TMEFF2: variants seen among roughly 807,000 people sequenced by gnomAD.
TMEFF2 encodes transmembrane protein with EGF like and two follistatin like domains 2, also known as tomoregulin-2.
Under a neutral mutation model 53.8 loss-of-function variants are expected in TMEFF2, and 28 were observed. The observed-to-expected ratio is 0.52, with a 90% CI of 0.39 to 0.71. The LOEUF is 0.71. TMEFF2 is among the 30% of genes least tolerant of loss of function. The pLI is 0.00. For missense variants in TMEFF2, 353 were observed against 455.2 expected, an observed-to-expected ratio of 0.78 and a Z score of 2.04; for synonymous variants, 162 against 166.3, an observed-to-expected ratio of 0.97 and a Z score of 0.20.
At chr2:192,053,212 T>C (rs193149991) in intron 5 of TMEFF2, among the ~76,000 whole-genome samples, 5 of 152,280 alleles carry the variant, frequency 3.3e-5, no homozygotes, top group Admixed American at 1.3e-4. Flanking sequence ...ATTTTTTCTC[T>C]TCTTCTTTTA....
chr2:192,144,070 C>T (rs573353838), intron 4 of TMEFF2, among the ~76,000 whole-genome samples: 1 of 152,182 alleles, frequency 6.6e-6, no homozygotes, highest in South Asian at 2.1e-4. Context: ...CTTACAAAAT[C>T]ATAAGTCTTC....
chr2:191,955,642 T>G (rs948709955), intron 8 of TMEFF2, among the ~76,000 whole-genome samples: 1 of 149,628 alleles, frequency 6.7e-6, no homozygotes, highest in African/African-American at 2.5e-5. Context: ...TGAGCCATCA[T>G]GCCTGGCCAG....
intron 4 of TMEFF2, among the ~76,000 whole-genome samples, chr2:192,059,353 C>T (rs779037094): frequency 6.6e-6 from 1 of 151,974 alleles, no homozygotes; most frequent in Non-Finnish European, 1.5e-5. Flanking sequence ...ATTATTCACT[C>T]TATTACTTTA....
At chr2:191,964,396 T>C (rs982599578) in intron 7 of TMEFF2, among the ~76,000 whole-genome samples, 105 of 58,384 alleles carry the variant, frequency 1.8e-3, no homozygotes, top group Non-Finnish European at 2.5e-3. Context: ...CTTTCTTTCT[T>C]TCTCTTTCTT....
chr2:192,134,201 C>T lies in TMEFF2; in HGVS notation c.439+45467G>A, dbSNP rs914132747. Among the ~76,000 whole-genome samples, 7 of 152,314 alleles carry T rather than the reference C, an allele frequency of 4.6e-5. No individual in the cohort carries two copies. In the South Asian group the frequency reaches 1.2e-3, roughly 27 times the overall value. ...GCATATACTTTCTGCTCCCTGGCTC[C>T]TTCAGCTGTACTCACTCTTCGTTAA... On this transcript the variant is annotated intron_variant, in intron 4 of 9. Transcript: ENST00000272771.
At chr2:192,083,200 T>G (rs1452033216) in intron 4 of TMEFF2, among the ~76,000 whole-genome samples, 1 of 150,960 alleles carries the variant, frequency 6.6e-6, no homozygotes, top group Non-Finnish European at 1.5e-5. Flanking sequence ...CAGGGAGGAG[T>G]AGAAGAATGA....
At chr2:192,011,879 A>C (rs1348555257) in intron 5 of TMEFF2, among the ~76,000 whole-genome samples, 1 of 151,888 alleles carries the variant, frequency 6.6e-6, no homozygotes, top group African/African-American at 2.4e-5. Context: ...AATATTTTTT[A>C]TTTTTACATA....
chr2:192,022,806 A>T (rs1686886806), intron 5 of TMEFF2, among the ~76,000 whole-genome samples: 1 of 152,122 alleles, frequency 6.6e-6, no homozygotes, highest in Admixed American at 6.5e-5. Context: ...TTTATCAATA[A>T]TAATAATACT....
intron 5 of TMEFF2, among the ~76,000 whole-genome samples, chr2:192,004,971 T>C (rs1385621446): frequency 1.3e-5 from 2 of 152,222 alleles, no homozygotes; most frequent in Non-Finnish European, 2.9e-5. Context: ...TCAACCTATC[T>C]CAGTCTTTTG....
chr2:192,104,698 A>AT (rs111392692), intron 4 of TMEFF2, among the ~76,000 whole-genome samples: 15,169 of 151,002 alleles, frequency 0.1, 900 homozygotes, highest in East Asian at 0.2. Flanking sequence ...TCATTTCATC[A>AT]TTTTTTTTTC....
chr2:191,949,965 C>CTAGT lies in TMEFF2; in HGVS notation c.*342_*345dup. ...AATATTGGTAGCTGTACAGATTGTA[C>CTAGT]TAGTCTGATTATATTTACAGTTATG... On this transcript the variant is annotated 3_prime_UTR_variant, in exon 10 of 10. Coordinates refer to ENST00000272771, the MANE Select transcript of TMEFF2 (RefSeq NM_016192.4). 1 of 1,072,206 alleles carries CTAGT rather than the reference C, an allele frequency of 9.3e-7. No homozygotes were observed. The highest frequency in any genetic ancestry group is 1.1e-6 in the Non-Finnish European group (1 of 883,350). The allele number at this position is 1,072,206 out of a possible 1,614,324, so 66.4% of individuals were successfully genotyped here. A position where few individuals can be genotyped will look rare whatever the true frequency, so the allele number is the denominator to read the frequency against.
intron 7 of TMEFF2, among the ~76,000 whole-genome samples, chr2:191,971,696 G>C (rs1370935560): frequency 1.3e-5 from 2 of 152,102 alleles, no homozygotes; most frequent in Non-Finnish European, 2.9e-5. Flanking sequence ...TTAAAATATT[G>C]ATGGTTTCCT....
chr2:191,965,446 T>G (rs1284889019), intron 7 of TMEFF2, among the ~76,000 whole-genome samples: 1 of 152,132 alleles, frequency 6.6e-6, no homozygotes, highest in African/African-American at 2.4e-5. Context: ...TGCCTCCAAT[T>G]TTGCCCTCTC....
At chr2:191,997,064 TTGTC>T (rs1686240396) in intron 7 of TMEFF2, among the ~76,000 whole-genome samples, 1 of 151,960 alleles carries the variant, frequency 6.6e-6, no homozygotes, top group Non-Finnish European at 1.5e-5. Context: ...GAAGACCCAT[TTGTC>T]TGTATGAGCT....
rs528824428 is a variant in TMEFF2 at position 192,045,175 on chromosome 2, G to A, written c.536+12504C>T. On this transcript the variant is annotated intron_variant, in intron 5 of 9. Transcript: ENST00000272771. ...TGATATACAGCTACCACCTGAAAGT[G>A]GGCAGCTGCAGAACTGCAGACCTTC... is the stretch of plus-strand genomic sequence containing the variant. 2.6e-5 allele frequency among the ~76,000 whole-genome samples: 4 copies of A among 152,326 alleles called. No individual in the cohort carries two copies. The East Asian group carries it at 7.7e-4, about 29-fold the overall frequency.
At chr2:192,112,203 C>T (rs966933589) in intron 4 of TMEFF2, among the ~76,000 whole-genome samples, 17 of 152,156 alleles carry the variant, frequency 1.1e-4, no homozygotes, top group Admixed American at 2.6e-4. Flanking sequence ...CACCTGGAAA[C>T]GCTGCATACA....
At chr2:192,173,186 G>A (rs971682215) in intron 4 of TMEFF2, among the ~76,000 whole-genome samples, 6 of 151,662 alleles carry the variant, frequency 4.0e-5, no homozygotes, top group African/African-American at 1.5e-4. Context: ...ATAAGGTGAT[G>A]GATACCCCAA....
chr2:192,056,088 C>T (rs1559106401), intron 5 of TMEFF2, among the ~76,000 whole-genome samples: 1 of 152,150 alleles, frequency 6.6e-6, no homozygotes, highest in Non-Finnish European at 1.5e-5. Flanking sequence ...TGTTTTACTA[C>T]TGCCACATAA....
intron 9 of TMEFF2, among the ~76,000 whole-genome samples, chr2:191,951,452 AAG>A (rs1261456684): frequency 2.1e-5 from 3 of 139,698 alleles, no homozygotes; most frequent in African/African-American, 7.7e-5. Context: ...AGAAAGTAGA[AAG>A]AAGGAGAAGA....
Sources: allele counts gnomAD v4.1 joint callset (sites outside exome capture counted in the v4.1 genomes callset), GRCh38; gene constraint gnomAD v4.1.1; transcripts MANE v1.5; gene names NCBI Gene and HGNC (gene_info 2026-07-23, HGNC 2026-07-21).